The following ABL2 variants were observed in gnomAD, a reference collection of about 807,000 sequenced individuals.
ABL2 encodes the protein tyrosine-protein kinase ABL2.
Under a neutral mutation model 107.7 loss-of-function variants are expected in ABL2, and 49 were observed. The observed-to-expected ratio is 0.45, with a 90% CI of 0.36 to 0.58. The LOEUF (loss-of-function observed/expected upper bound fraction) is 0.58, where lower values mean the gene tolerates loss of function less well. Among genes scored for constraint, ABL2 ranks in the 20% least tolerant of loss-of-function variants. The pLI is 0.00. For missense variants in ABL2, 1,245 were observed against 1,457.0 expected, an observed-to-expected ratio of 0.85 and a Z score of 2.37; for synonymous variants, 549 against 548.6, an observed-to-expected ratio of 1.00 and a Z score of -0.01.
In ABL2 at chr1:179,103,312, A is replaced by T. The variant is rs926911501; in HGVS notation, c.*4406T>A. The T allele has an allele frequency of 4.8e-6, 1 of 206,870 alleles. No individual in the cohort carries two copies. Among genetic ancestry groups the T allele is most frequent in the African/African-American group, 2.3e-5 (1 of 43,912 alleles). The allele number at this position is 206,870 out of a possible 1,614,324, so 12.8% of individuals were successfully genotyped here. Reference sequence around the variant, plus strand: ...TGACAGAGGTGATTCTTACGTATCTACATTTTCAGGTACCCCACAGGGTCC... The same window carrying T: ...TGACAGAGGTGATTCTTACGTATCTTCATTTTCAGGTACCCCACAGGGTCC... On this transcript the variant is annotated 3_prime_UTR_variant, in exon 12 of 12. Transcript: ENST00000502732.
At chr1:179,189,382 C>A (rs965203693) in intron 1 of ABL2, among the ~76,000 whole-genome samples, 1 of 152,134 alleles carries the variant, frequency 6.6e-6, no homozygotes, top group Non-Finnish European at 1.5e-5. Context: ...GATCCGCCCA[C>A]CTTGGCTTCC....
At chr1:179,195,135 A>C (rs1027674615) in intron 1 of ABL2, among the ~76,000 whole-genome samples, 1 of 152,086 alleles carries the variant, frequency 6.6e-6, no homozygotes, top group African/African-American at 2.4e-5. Flanking sequence ...TAAAACTACA[A>C]AACTTACCCG....
At chr1:179,161,092 C>T (rs2102751947) in intron 1 of ABL2, among the ~76,000 whole-genome samples, 1 of 152,112 alleles carries the variant, frequency 6.6e-6, no homozygotes, top group East Asian at 1.9e-4. Flanking sequence ...GACCAAACTG[C>T]CTAGAACTTC....
intron 6 of ABL2, among the ~76,000 whole-genome samples, chr1:179,119,544 C>G (rs900111756): frequency 1.0e-4 from 15 of 149,598 alleles, no homozygotes; most frequent in Non-Finnish European, 2.2e-4. Context: ...CCCCCCACAC[C>G]CCCCCAAAAA....
At position 179,108,611 on chromosome 1, in the gene ABL2, C is replaced by G. The variant is rs756092726; in HGVS notation, c.2656G>C (p.Ala886Pro). 2.5e-6 allele frequency: 4 copies of G among 1,614,130 alleles called. No individual in the cohort carries two copies. The South Asian group carries it at 4.4e-5, about 18-fold the overall frequency. ...PPGVGVAGVA[A>P]APKGKEKNGG... ...TTCTTCTCTTTACCCTTGGGGGCAG[C>G]TGCCACTCCAGCCACTCCCACCCCT... Residue 886 changes from alanine to proline, a missense_variant, in exon 12 of 12, where the codon GCT becomes CCT. By Grantham distance (27) the Ala-to-Pro change is conservative (BLOSUM62 -1). Around this residue, in one of 3 missense-constraint regions of ABL2, gnomAD observed 761 missense variants for 766.4 expected, o/e 0.99. Coordinates refer to ENST00000502732, the MANE Select transcript of ABL2 (RefSeq NM_007314.4).
rs1445895849 is a variant in ABL2 at position 179,121,727 on chromosome 1, G to A, written c.828C>T (p.Pro276=). The A allele has an allele frequency of 1.4e-5, 23 of 1,613,930 alleles. No homozygotes were observed. The highest frequency in any genetic ancestry group is 1.9e-5 in the Non-Finnish European group (22 of 1,180,026). The change falls in exon 5 of 12, where the codon CCC becomes CCT. Residue 276 remains proline, a synonymous_variant. Transcript: ENST00000502732. Reference sequence around the variant, plus strand: ...GCTCCATTTCCCATTTGTCGTGGATGGGGGACACACCATAGACTGTAGGCT... The same window carrying A: ...GCTCCATTTCCCATTTGTCGTGGATAGGGGACACACCATAGACTGTAGGCT... The part of the protein sequence containing the change: ...CNKPTVYGVS[P]IHDKWEMERT...
chr1:179,101,815 T>C lies in ABL2; in HGVS notation c.*5903A>G, dbSNP rs1285108017. 4 of 189,252 alleles carry C rather than the reference T, an allele frequency of 2.1e-5. No homozygotes were observed. The highest frequency in any genetic ancestry group is 4.4e-5 in the Non-Finnish European group (4 of 90,108). 11.7% of individuals were successfully genotyped at this position (189,252 alleles called of 1,614,324 possible). A position where few individuals can be genotyped will look rare whatever the true frequency, so the allele number is the denominator to read the frequency against. ...AGTCATGGGGGTGAGTGCTCCAGAG[T>C]AGGCTGTAGCTTGTCCCACAGCCCT... On this transcript the variant is annotated 3_prime_UTR_variant, in exon 12 of 12. Transcript: ENST00000502732.
chr1:179,168,621 A>G (rs893998041), intron 1 of ABL2, among the ~76,000 whole-genome samples: 1 of 152,140 alleles, frequency 6.6e-6, no homozygotes, highest in Non-Finnish European at 1.5e-5. Context: ...GTAGATAGCT[A>G]TTTTCTTTTT....
chr1:179,117,279 A>T, intron 8 of ABL2, 53 bp downstream of exon 8: 1 of 1,548,860 alleles, frequency 6.5e-7, no homozygotes, highest in South Asian at 1.1e-5. Context: ...GAATCAAGGC[A>T]TTTATAAAAA....
Position 179,196,152 on chromosome 1 carries a change from A to G in ABL2, c.157+33089T>C, listed in dbSNP as rs565087261. 4.4e-3 allele frequency among the ~76,000 whole-genome samples: 676 copies of G among 152,344 alleles called. 5 individuals carry two copies. The highest frequency in any genetic ancestry group is 7.4e-3 in the Admixed American group (114 of 15,306). On this transcript the variant is annotated intron_variant, in intron 1 of 11. Transcript: ENST00000502732. ...ACCTTGCAAGCAGACCTCGCTAAGC[A>G]TATCAGTCTCAATCAGGCCTGCTAT...
At chr1:179,112,286 C>T in intron 10 of ABL2, 23 bp downstream of exon 10, 1 of 1,598,204 alleles carries the variant, frequency 6.3e-7, no homozygotes. Context: ...TAGTCACCAA[C>T]AGTAAATCCA....
At chr1:179,165,524 T>G (rs1048047065) in intron 1 of ABL2, among the ~76,000 whole-genome samples, 1 of 152,020 alleles carries the variant, frequency 6.6e-6, no homozygotes, top group Non-Finnish European at 1.5e-5. Flanking sequence ...AATATTAAAG[T>G]AGAGGAGGTA....
At chr1:179,190,726 A>T (rs1386108377) in intron 1 of ABL2, among the ~76,000 whole-genome samples, 4 of 152,170 alleles carry the variant, frequency 2.6e-5, no homozygotes, top group Non-Finnish European at 5.9e-5. Context: ...CCCAGCCTCC[A>T]GTCACCTCAT....
At chr1:179,174,905 AAAAT>A (rs564718247) in intron 1 of ABL2, among the ~76,000 whole-genome samples, 6,865 of 119,344 alleles carry the variant, frequency 0.058, 324 homozygotes, top group Non-Finnish European at 0.085. Context: ...CAAAAAAAAA[AAAAT>A]AAAATAAAAA....
chr1:179,161,428 G>A (rs994681438), intron 1 of ABL2, among the ~76,000 whole-genome samples: 3 of 151,896 alleles, frequency 2.0e-5, no homozygotes, highest in Admixed American at 6.6e-5. Context: ...GATAAATAAT[G>A]AGTACTTGGC....
intron 1 of ABL2, among the ~76,000 whole-genome samples, chr1:179,204,387 T>C (rs1274842842): frequency 6.6e-6 from 1 of 152,038 alleles, no homozygotes; most frequent in African/African-American, 2.4e-5. Flanking sequence ...AACACAGACA[T>C]ATGCAGAGTT....
At chr1:179,187,574 T>C (rs2102813259) in intron 1 of ABL2, among the ~76,000 whole-genome samples, 1 of 152,310 alleles carries the variant, frequency 6.6e-6, no homozygotes, top group Admixed American at 6.5e-5. Flanking sequence ...CTTTGGGGAA[T>C]TTTACCATAT....
Position 179,109,089 on chromosome 1 carries a change from G to C in ABL2, c.2178C>G (p.Asn726Lys), listed in dbSNP as rs1329724960. ...KCYGGSFAQR[N>K]LCNDDGGGGG... ...CCCCACCACCGTCGTCATTACAGAG[G>C]TTCCTCTGTGCAAAGCTCCCCCCAT... Residue 726 changes from asparagine (N) to lysine (K), a missense_variant, in exon 12 of 12, where the codon AAC (asparagine) becomes AAG (lysine). Transcript: ENST00000502732. 7 of 1,609,514 alleles carry C rather than the reference G, an allele frequency of 4.3e-6. No homozygotes were observed. In the South Asian group the frequency reaches 6.6e-5, roughly 15 times the overall value.
chr1:179,146,159 A>G (rs905823509), intron 1 of ABL2, among the ~76,000 whole-genome samples: 4 of 152,218 alleles, frequency 2.6e-5, no homozygotes, highest in South Asian at 2.1e-4. Context: ...AAAATGAATT[A>G]CATTGAGAAC....
Sources: allele counts gnomAD v4.1 joint callset (sites outside exome capture counted in the v4.1 genomes callset), GRCh38; gene constraint gnomAD v4.1.1; regional missense constraint gnomAD v4.1.1; transcripts MANE v1.5; gene names NCBI Gene and HGNC (gene_info 2026-07-23, HGNC 2026-07-21).